Variants in KLHL26 observed in about 807,000 individuals in gnomAD.
KLHL26 encodes kelch-like protein 26.
A neutral mutation model predicts 7.1 loss-of-function variants in KLHL26; 4 were observed. That is an observed-to-expected ratio of 0.56 (90% CI 0.28 to 1.28). The LOEUF (loss-of-function observed/expected upper bound fraction) is 1.28. Among genes scored for constraint, KLHL26 ranks in the 50% most tolerant of loss-of-function variants. The pLI is 0.11. For missense variants in KLHL26, 896 were observed against 924.6 expected (o/e 0.97, Z 0.40); for synonymous variants, 465 against 414.1 (o/e 1.12, Z -1.49).
rs1411406842 is a variant in KLHL26, at chr19:18,670,601, C to A, written c.*1356C>A. ...GGGGGCTCCTCTCCCCCGCCTCAAC[C>A]TTTTCCAGCCTTTCAGAGGAGTCGG... On this transcript the variant is annotated 3_prime_UTR_variant, in exon 3 of 3. Coordinates refer to ENST00000300976, the MANE Select transcript of KLHL26 (RefSeq NM_018316.3). The A allele has an allele frequency of 6.6e-6, 1 of 152,330 alleles. No homozygotes were observed. Among genetic ancestry groups the A allele is most frequent in the East Asian group, 1.9e-4 (1 of 5,194 alleles). 9.4% of individuals were successfully genotyped at this position (152,330 alleles called of 1,614,324 possible).
At chr19:18,641,143 G>A (rs13344627) in intron 1 of KLHL26, among the ~76,000 whole-genome samples, 15,716 of 150,488 alleles carry the variant, frequency 0.1, 951 homozygotes, top group African/African-American at 0.17. Flanking sequence ...CTCAGCCTCT[G>A]GAATAAGTGG....
Position 18,668,523 on chromosome 19 carries a change from G to C in KLHL26, c.1126G>C (p.Gly376Arg). 3.1e-6 allele frequency: 5 copies of C among 1,599,160 alleles called. No individual in the cohort carries two copies. Among genetic ancestry groups the C allele is most frequent in the Non-Finnish European group, 4.3e-6 (5 of 1,174,988 alleles). Residue 376 changes from glycine to arginine, a missense_variant, in exon 3 of 3, where the codon GGC becomes CGC. By Grantham distance (125) the Gly-to-Arg change is moderately radical. Coordinates refer to ENST00000300976, the MANE Select transcript of KLHL26 (RefSeq NM_018316.3). ...AGGQHLQYRS[G>R]EGAVDACYRY... ...GGGGCAGCACCTGCAGTACCGCAGC[G>C]GCGAGGGCGCAGTGGACGCCTGCTA... is the stretch of plus-strand genomic sequence containing the variant.
At chr19:18,665,087 C>T (rs1440462508) in intron 2 of KLHL26, among the ~76,000 whole-genome samples, 7 of 150,448 alleles carry the variant, frequency 4.7e-5, no homozygotes, top group African/African-American at 1.5e-4. Flanking sequence ...GACAAAGTCT[C>T]GCTGTGTCGC....
chr19:18,670,251 T>A lies in KLHL26; in HGVS notation c.*1006T>A, dbSNP rs2052514095. ...TCTGTGGTATCTCTGGCCACATTTG[T>A]TCTAATGTCTGAACCTCTAAATCTT... On this transcript the variant is annotated 3_prime_UTR_variant, in exon 3 of 3. Transcript: ENST00000300976. 6.6e-6 allele frequency: 1 copy of A among 152,220 alleles called. No homozygotes were observed. The highest frequency in any genetic ancestry group is 1.5e-5 in the Non-Finnish European group (1 of 68,050). 9.4% of individuals were successfully genotyped at this position (152,220 alleles called of 1,614,324 possible).
chr19:18,638,256 TTG>T (rs1804036684), intron 1 of KLHL26, among the ~76,000 whole-genome samples: 1 of 152,110 alleles, frequency 6.6e-6, no homozygotes, highest in Non-Finnish European at 1.5e-5. Flanking sequence ...TGTGGGCTGA[TTG>T]TTGGAGGGAA....
chr19:18,663,944 A>C (rs2052417429), intron 1 of KLHL26, among the ~76,000 whole-genome samples: 1 of 152,100 alleles, frequency 6.6e-6, no homozygotes, highest in African/African-American at 2.4e-5. Flanking sequence ...ACTGTCTGAA[A>C]GTGGACAATT....
rs2052248432 is a variant in KLHL26 at position 18,650,913 on chromosome 19, C to T, written c.84-13348C>T. Among the ~76,000 whole-genome samples the T allele has an allele frequency of 6.6e-6, 1 of 152,140 alleles. No individual in the cohort carries two copies. The highest frequency in any genetic ancestry group is 6.5e-5 in the Admixed American group (1 of 15,268). On this transcript the variant is annotated intron_variant, in intron 1 of 2. Transcript: ENST00000300976. The surrounding 1 kb of genome is among the most constrained non-coding windows in gnomAD (Gnocchi z 4.2). ...CTGACCCCTCAGCCCCGGTAGGAAG[C>T]TGGTGTGCACTGCAGGGAGAGGCGG...
At position 18,669,033 on chromosome 19, in the gene KLHL26, C is replaced by A; in HGVS notation, c.1636C>A (p.Arg546=). 1.2e-6 allele frequency: 2 copies of A among 1,612,696 alleles called. No homozygotes were observed. Among genetic ancestry groups the A allele is most frequent in the Non-Finnish European group, 1.7e-6 (2 of 1,179,898 alleles). Residue 546 remains arginine, a synonymous_variant, in exon 3 of 3, where the codon CGG becomes AGG. Coordinates refer to ENST00000300976, the MANE Select transcript of KLHL26 (RefSeq NM_018316.3). ...TDQWTSVSPM[R]AGQSEAGCCL... Reference sequence around the variant, plus strand: ...CCAGTGGACCAGCGTGAGCCCCATGCGGGCCGGCCAGTCAGAGGCCGGCTG... The same window carrying A: ...CCAGTGGACCAGCGTGAGCCCCATGAGGGCCGGCCAGTCAGAGGCCGGCTG...
chr19:18,664,653 C>T (rs1008810169), intron 2 of KLHL26, among the ~76,000 whole-genome samples: 1 of 151,972 alleles, frequency 6.6e-6, no homozygotes, highest in African/African-American at 2.4e-5. Context: ...ACAATCTCGG[C>T]TCACTGCAAC....
At position 18,646,612 on chromosome 19, in the gene KLHL26, T is replaced by TG. The variant is rs1180574822; in HGVS notation, c.83+9481dup. ...GAAATGGGGCTCCAGGCCCACCAGG[T>TG]GGGGGGTGTCTGGGAGGAAACGAGT... On this transcript the variant is annotated intron_variant, in intron 1 of 2. Transcript: ENST00000300976. The surrounding 1 kb of genome is among the most constrained non-coding windows in gnomAD (Gnocchi z 5.0). Among the ~76,000 whole-genome samples the TG allele has an allele frequency of 1.3e-5, 2 of 151,834 alleles. No individual in the cohort carries two copies. The highest frequency in any genetic ancestry group is 2.4e-5 in the African/African-American group (1 of 41,320).
chr19:18,669,460 A>G lies in KLHL26; in HGVS notation c.*215A>G. On this transcript the variant is annotated 3_prime_UTR_variant, in exon 3 of 3. Transcript: ENST00000300976. ...GTCCATCCGAGGGAGCCTGCCGGCA[A>G]AGCGTCTGACATGTGGTGGCAGCAA... 2 of 584,988 alleles carry G rather than the reference A, an allele frequency of 3.4e-6. No individual in the cohort carries two copies. The highest frequency in any genetic ancestry group is 6.1e-6 in the Non-Finnish European group (2 of 330,474). The allele number at this position is 584,988 out of a possible 1,614,324, so 36.2% of individuals were successfully genotyped here. A position where few individuals can be genotyped will look rare whatever the true frequency, so the allele number is the denominator to read the frequency against.
At chr19:18,652,212 G>A (rs886813299) in intron 1 of KLHL26, among the ~76,000 whole-genome samples, 8 of 152,070 alleles carry the variant, frequency 5.3e-5, no homozygotes, top group Admixed American at 2.0e-4. Context: ...AGGGCTTCGC[G>A]GTGGATCCTG....
Position 18,637,091 on chromosome 19 carries a change from G to A in KLHL26, c.37G>A (p.Gly13Ser). 7.2e-7 allele frequency: 1 copy of A among 1,385,314 alleles called. No individual in the cohort carries two copies. Among genetic ancestry groups the A allele is most frequent in the Non-Finnish European group, 9.4e-7 (1 of 1,069,004 alleles). The allele number at this position is 1,385,314 out of a possible 1,614,324, so 85.8% of individuals were successfully genotyped here. A position where few individuals can be genotyped will look rare whatever the true frequency, so the allele number is the denominator to read the frequency against. Residue 13 changes from glycine (G) to serine (S), a missense_variant, in exon 1 of 3, where the codon GGC (glycine) becomes AGC (serine). Physicochemically the swap from Gly to Ser is moderately conservative, Grantham distance 56 (BLOSUM62 0). Coordinates refer to ENST00000300976, the MANE Select transcript of KLHL26 (RefSeq NM_018316.3). ...ESGGSSGGAG[G>S]GGAFGAGPGP... ...CGGCGGTAGCAGCGGTGGTGCTGGT[G>A]GCGGCGGCGCTTTCGGCGCGGGCCC...
intron 1 of KLHL26, among the ~76,000 whole-genome samples, chr19:18,637,760 A>G (rs912281204): frequency 6.6e-6 from 1 of 151,930 alleles, no homozygotes; most frequent in African/African-American, 2.4e-5. Flanking sequence ...GGGTTTATAA[A>G]GAACATACAG....
chr19:18,663,609 G>T (rs1482756894), intron 1 of KLHL26, among the ~76,000 whole-genome samples: 2 of 152,188 alleles, frequency 1.3e-5, no homozygotes, highest in Admixed American at 1.3e-4. Flanking sequence ...TCAGCCCGGT[G>T]GGGGTGGGGG....
In KLHL26 at chr19:18,669,396, C is replaced by T; in HGVS notation, c.*151C>T. ...GTTGATAAGCCCCCCTCCCAGGGGT[C>T]CCTCCCTCCCTCCTTCCCAAAGCAG... On this transcript the variant is annotated 3_prime_UTR_variant, in exon 3 of 3. Transcript: ENST00000300976. 1.6e-6 allele frequency: 1 copy of T among 614,578 alleles called. No individual in the cohort carries two copies. The highest frequency in any genetic ancestry group is 2.9e-6 in the Non-Finnish European group (1 of 350,482). The allele number at this position is 614,578 out of a possible 1,614,324, so 38.1% of individuals were successfully genotyped here. A position where few individuals can be genotyped will look rare whatever the true frequency, so the allele number is the denominator to read the frequency against.
chr19:18,649,925 C>G lies in KLHL26; in HGVS notation c.83+12788C>G, dbSNP rs934292815. Among the ~76,000 whole-genome samples, 1 of 152,226 alleles carries G rather than the reference C, an allele frequency of 6.6e-6. No individual in the cohort carries two copies. The highest frequency in any genetic ancestry group is 1.5e-5 in the Non-Finnish European group (1 of 68,046). On this transcript the variant is annotated intron_variant, in intron 1 of 2. Transcript: ENST00000300976. The surrounding 1 kb of genome is among the most constrained non-coding windows in gnomAD (Gnocchi z 4.0). ...GACCCCTCACTGCGCAGCGGAGTGC[C>G]TGATCGCTCTGTGTGCACCACCACG...
chr19:18,655,748 C>T (rs73531702), intron 1 of KLHL26, among the ~76,000 whole-genome samples: 40 of 152,314 alleles, frequency 2.6e-4, no homozygotes, highest in African/African-American at 9.6e-4. Flanking sequence ...ACCCCCTTGT[C>T]TTCTGGGCCT....
chr19:18,665,745 A>T (rs1487631070), intron 2 of KLHL26, among the ~76,000 whole-genome samples: 5 of 152,186 alleles, frequency 3.3e-5, no homozygotes, highest in African/African-American at 4.8e-5. Flanking sequence ...GGGCTGTTGC[A>T]GGGCTGAGTG....
Sources: allele counts gnomAD v4.1 joint callset (sites outside exome capture counted in the v4.1 genomes callset), GRCh38; gene constraint gnomAD v4.1.1; non-coding constraint Gnocchi (gnomAD v3.1); transcripts MANE v1.5; gene names NCBI Gene and HGNC (gene_info 2026-07-23, HGNC 2026-07-21).